Variants in DHRS7 observed in about 807,000 individuals in gnomAD.
DHRS7 encodes the protein dehydrogenase/reductase 7.
A neutral mutation model predicts 38.9 loss-of-function variants in DHRS7; 34 were observed. The observed-to-expected ratio is 0.87, with a 90% CI of 0.66 to 1.16. DHRS7 has a LOEUF of 1.16. DHRS7 is among the 50% of genes most tolerant of loss of function. DHRS7 has a pLI of 0.00. For synonymous variants in DHRS7, 158 were observed against 153.1 expected (o/e 1.03, Z -0.24); for missense variants, 421 against 407.0 (o/e 1.03, Z -0.30).
chr14:60,165,532 A>G, upstream of DHRS7: 1 of 1,272,556 alleles, frequency 7.9e-7, no homozygotes, highest in Non-Finnish European at 9.9e-7. This position sits in a 1 kb window ranked among gnomAD's most constrained non-coding sequence, Gnocchi z 4.6. Context: ...CATGCGGCAC[A>G]CCCGGCGGGG....
At chr14:60,167,069 C>A (rs73312180), upstream of DHRS7, among the ~76,000 whole-genome samples, 442 of 152,090 alleles carry the variant, frequency 2.9e-3, 3 homozygotes, top group African/African-American at 0.01. Context: ...CAATGGGGTG[C>A]CTATAGTCAA....
chr14:60,151,869 G>A (rs1896553292), intron 4 of DHRS7, among the ~76,000 whole-genome samples: 3 of 152,182 alleles, frequency 2.0e-5, no homozygotes, highest in Admixed American at 2.0e-4. Flanking sequence ...GCTCATCTGT[G>A]TTTACTGAAA....
At chr14:60,169,557 A>G (rs1896908103), upstream of DHRS7, 1 of 152,192 alleles carries the variant, frequency 6.6e-6, no homozygotes, top group African/African-American at 2.4e-5. Flanking sequence ...AAATATATAC[A>G]CCTGTGAAAC....
chr14:60,168,594 A>C, upstream of DHRS7: 1 of 1,409,546 alleles, frequency 7.1e-7, no homozygotes, highest in Non-Finnish European at 9.5e-7. Context: ...AAGTTAAAAA[A>C]ATTAGGTTAA....
upstream of DHRS7, chr14:60,169,157 A>ACAAAAAAAAAAAC (rs1566539384): frequency 6.7e-6 from 1 of 150,122 alleles, no homozygotes; most frequent in East Asian, 2.2e-4. Flanking sequence ...AAAAAAAAAA[A>ACAAAAAAAAAAAC]AAAACCATTG....
At chr14:60,154,125 A>G in intron 2 of DHRS7, 60 bp from the exon 3 acceptor site, 2 of 1,294,162 alleles carry the variant, frequency 1.5e-6, no homozygotes, top group South Asian at 1.2e-5. Context: ...GCTCCTTGCT[A>G]CTCCCACTAA....
In DHRS7 at chr14:60,145,253, T is replaced by C. The variant is rs1421009274; in HGVS notation, c.973-240A>G. On this transcript the variant is annotated intron_variant, in intron 6 of 6. Coordinates refer to ENST00000557185, the MANE Select transcript of DHRS7 (RefSeq NM_016029.4). This position sits in a 1 kb window ranked among gnomAD's most constrained non-coding sequence, Gnocchi z 4.0. ...TGGTTTAGAGGAGGTATAAATAGCA[T>C]TGGACTGCAATGCTAAATTCTCTAT... is the stretch of plus-strand genomic sequence containing the variant. 3 of 343,348 alleles carry C rather than the reference T, an allele frequency of 8.7e-6. No homozygotes were observed. Among genetic ancestry groups the C allele is most frequent in the Middle Eastern group, 8.0e-4 (1 of 1,252 alleles). The allele number at this position is 343,348 out of a possible 1,614,324, so 21.3% of individuals were successfully genotyped here. A position where few individuals can be genotyped will look rare whatever the true frequency, so the allele number is the denominator to read the frequency against.
At chr14:60,155,300 TTAG>T (rs1896634876) in intron 2 of DHRS7, among the ~76,000 whole-genome samples, 1 of 151,868 alleles carries the variant, frequency 6.6e-6, no homozygotes, top group Admixed American at 6.6e-5. Flanking sequence ...AATACAAAAA[TTAG>T]CTGGGTGTGG....
rs1566530375 is a variant in DHRS7 at position 60,150,101 on chromosome 14, A to ATT, written c.718_719dup (p.Asn240LysfsTer8). On this transcript the variant is annotated frameshift_variant, in exon 5 of 7. Coordinates refer to ENST00000557185, the MANE Select transcript of DHRS7 (RefSeq NM_016029.4). LOFTEE classifies it high-confidence loss of function. ...CTCCAGCTAGGGAATTCTCCACAATATTTGATTGCACAGGTCCTGGGCAAA... is the reference window on the plus strand; with the variant it reads ...CTCCAGCTAGGGAATTCTCCACAATATTTTTGATTGCACAGGTCCTGGGCAAA... 8.1e-6 allele frequency: 13 copies of ATT among 1,604,628 alleles called. No individual in the cohort carries two copies. The highest frequency in any genetic ancestry group is 3.4e-5 in the South Asian group (3 of 89,494).
upstream of DHRS7, chr14:60,166,141 T>C (rs949282111): frequency 1.2e-6 from 1 of 833,322 alleles, no homozygotes; most frequent in Non-Finnish European, 1.4e-6. Flanking sequence ...AATACTGTTT[T>C]TGATTAATTT....
At chr14:60,165,533 C>CCCTCATG, upstream of DHRS7, 1 of 1,272,632 alleles carries the variant, frequency 7.9e-7, no homozygotes, top group East Asian at 3.4e-5. This position sits in a 1 kb window ranked among gnomAD's most constrained non-coding sequence, Gnocchi z 4.6. Context: ...ATGCGGCACA[C>CCCTCATG]CCGGCGGGGC....
At chr14:60,168,754 A>G (rs1475273519), upstream of DHRS7, 6 of 1,552,662 alleles carry the variant, frequency 3.9e-6, no homozygotes, top group Non-Finnish European at 5.2e-6. Context: ...TTTAAGAAAA[A>G]CAAAATTCTT....
intron 1 of DHRS7, among the ~76,000 whole-genome samples, chr14:60,160,120 G>C (rs1208866199): frequency 6.6e-6 from 1 of 152,162 alleles, no homozygotes; most frequent in Non-Finnish European, 1.5e-5. Context: ...GAGATCAGGA[G>C]TTCAAGCCCA....
At chr14:60,156,952 A>G (rs1896671941) in intron 1 of DHRS7, among the ~76,000 whole-genome samples, 1 of 152,256 alleles carries the variant, frequency 6.6e-6, no homozygotes, top group African/African-American at 2.4e-5. Context: ...AAAACTTATT[A>G]GCACTTCAGG....
chr14:60,149,937 T>G (rs565360404), intron 5 of DHRS7, 128 bp downstream of exon 5: 1 of 920,492 alleles, frequency 1.1e-6, no homozygotes. Flanking sequence ...ATGGCAGGAG[T>G]TTTGTGAATA....
upstream of DHRS7, chr14:60,165,669 A>G (rs1356469768): frequency 5.7e-6 from 6 of 1,051,006 alleles, no homozygotes; most frequent in East Asian, 8.4e-5. This position sits in a 1 kb window ranked among gnomAD's most constrained non-coding sequence, Gnocchi z 4.6. Flanking sequence ...CATAAGCTAC[A>G]TATTATACTA....
intron 5 of DHRS7, among the ~76,000 whole-genome samples, 192 bp from the exon 6 acceptor site, chr14:60,149,760 G>A (rs185609901): frequency 2.6e-5 from 4 of 151,752 alleles, no homozygotes; most frequent in Admixed American, 2.6e-4. Context: ...GAAACCATAT[G>A]CTTACTAGAT....
rs75904440 is a variant in DHRS7 at position 60,151,768 on chromosome 14, C to T, written c.633+1171G>A. 2.8e-3 allele frequency among the ~76,000 whole-genome samples: 429 copies of T among 152,306 alleles called. 1 individual carries two copies. The highest frequency in any genetic ancestry group is 9.7e-3 in the African/African-American group (404 of 41,552). ...AAGGAAATGTGCTCTTCAAAAAGAG[C>T]TTCCTGGTAACTACAGTCTCAACCT... On this transcript the variant is annotated intron_variant, in intron 4 of 6. Transcript: ENST00000557185.
At chr14:60,164,843 A>C (rs1202381967) in intron 1 of DHRS7, among the ~76,000 whole-genome samples, 1 of 152,168 alleles carries the variant, frequency 6.6e-6, no homozygotes, top group African/African-American at 2.4e-5. Flanking sequence ...ACAACACCAG[A>C]ATCCCTTGAG....
Sources: allele counts gnomAD v4.1 joint callset (sites outside exome capture counted in the v4.1 genomes callset), GRCh38; gene constraint gnomAD v4.1.1; non-coding constraint Gnocchi (gnomAD v3.1); transcripts MANE v1.5; gene names NCBI Gene and HGNC (gene_info 2026-07-23, HGNC 2026-07-21).